Variants in ZC3HAV1 observed in about 807,000 individuals in gnomAD.
ZC3HAV1 encodes zinc finger CCCH-type antiviral protein 1.
Under a neutral mutation model 86.6 loss-of-function variants are expected in ZC3HAV1, and 41 were observed. That is an observed-to-expected ratio of 0.47 (90% CI 0.37 to 0.61). The LOEUF is 0.61. Among genes scored for constraint, ZC3HAV1 ranks in the 20% least tolerant of loss-of-function variants. The pLI is 0.00. For missense variants in ZC3HAV1, 964 were observed against 1,141.1 expected, an observed-to-expected ratio of 0.84 and a Z score of 2.24; for synonymous variants, 421 against 432.1, an observed-to-expected ratio of 0.97 and a Z score of 0.32.
Position 139,061,053 on chromosome 7 carries a change from C to T in ZC3HAV1, c.2079G>A (p.Gln693=). The change falls in exon 9 of 13, where the codon CAG becomes CAA. Residue 693 remains glutamine, a synonymous_variant. Coordinates refer to ENST00000242351, the MANE Select transcript of ZC3HAV1 (RefSeq NM_020119.4). The part of the protein sequence containing the change: ...PTFVPQWYVQ[Q]MKRGPDHQPA... Reference sequence around the variant, plus strand: ...ACACTTACTCTGGCCCTCTCTTCATCTGCTGCACATACCACTGAGGCACAA... The same window carrying T: ...ACACTTACTCTGGCCCTCTCTTCATTTGCTGCACATACCACTGAGGCACAA... The T allele has an allele frequency of 6.2e-7, 1 of 1,613,820 alleles. No homozygotes were observed. The highest frequency in any genetic ancestry group is 8.5e-7 in the Non-Finnish European group (1 of 1,179,994).
At chr7:139,079,079 G>T (rs757578506) in intron 4 of ZC3HAV1, 1 of 1,535,090 alleles carries the variant, frequency 6.5e-7, no homozygotes, top group South Asian at 1.2e-5. Context: ...AGACACAGAG[G>T]CCCCTTTGTC....
chr7:139,066,355 A>G (rs1447585335), intron 7 of ZC3HAV1, among the ~76,000 whole-genome samples: 5 of 152,168 alleles, frequency 3.3e-5, no homozygotes, highest in African/African-American at 9.7e-5. Flanking sequence ...GTCCAAGGAA[A>G]ACGTCCTGCA....
At chr7:139,074,096 T>A (rs1816864267) in intron 6 of ZC3HAV1, 66 bp from the exon 7 acceptor site, 2 of 1,474,894 alleles carry the variant, frequency 1.4e-6, no homozygotes, top group Admixed American at 1.9e-5. Context: ...AATCTCGTCT[T>A]CCCTAATGAG....
intron 2 of ZC3HAV1, 134 bp downstream of exon 2, chr7:139,089,490 C>G (rs1817369957): frequency 1.7e-6 from 2 of 1,183,548 alleles, no homozygotes; most frequent in Non-Finnish European, 2.3e-6. Context: ...TTAGTTCACT[C>G]AATAACAGCC....
chr7:139,086,587 A>G (rs574590425), intron 2 of ZC3HAV1, among the ~76,000 whole-genome samples: 139 of 152,270 alleles, frequency 9.1e-4, no homozygotes, highest in African/African-American at 3.2e-3. Context: ...TCTTAGGTTC[A>G]TATCTGCCGA....
At chr7:139,098,836 T>G (rs1217871571) in intron 1 of ZC3HAV1, among the ~76,000 whole-genome samples, 1 of 152,124 alleles carries the variant, frequency 6.6e-6, no homozygotes, top group African/African-American at 2.4e-5. Context: ...TCCTGAAACC[T>G]TTTACCCCTT....
In ZC3HAV1 at chr7:139,046,304, G is replaced by A. The variant is rs1047110230; in HGVS notation, c.*1290C>T. 4 of 152,080 alleles carry A rather than the reference G, an allele frequency of 2.6e-5. No individual in the cohort carries two copies. Among genetic ancestry groups the A allele is most frequent in the Admixed American group, 6.5e-5 (1 of 15,274 alleles). The allele number at this position is 152,080 out of a possible 1,614,324, so 9.4% of individuals were successfully genotyped here. A position where few individuals can be genotyped will look rare whatever the true frequency, so the allele number is the denominator to read the frequency against. Reference sequence around the variant, plus strand: ...TCACCAGGAAACAAATTTCATCTCCGTAGGGGGCCCGTCCTTCAGTAGGAA... The same window carrying A: ...TCACCAGGAAACAAATTTCATCTCCATAGGGGGCCCGTCCTTCAGTAGGAA... On this transcript the variant is annotated 3_prime_UTR_variant, in exon 13 of 13. Coordinates refer to ENST00000242351, the MANE Select transcript of ZC3HAV1 (RefSeq NM_020119.4).
Position 139,083,876 on chromosome 7 carries a change from T to C in ZC3HAV1, c.601A>G (p.Ile201Val), listed in dbSNP as rs1216606368. Residue 201 changes from isoleucine (I) to valine (V), a missense_variant, in exon 3 of 13, where the codon ATC becomes GTC. Coordinates refer to ENST00000242351, the MANE Select transcript of ZC3HAV1 (RefSeq NM_020119.4). Reference protein sequence around the residue: ...HNLMDRKVLAIMREHGLNPDV... With the variant: ...HNLMDRKVLAVMREHGLNPDV... Reference sequence around the variant, plus strand: ...GGGTTCAGCCCGTGCTCCCTCATGATGGCCAGCACCTTTCTGTCCATCAGG... The same window carrying C: ...GGGTTCAGCCCGTGCTCCCTCATGACGGCCAGCACCTTTCTGTCCATCAGG... 3.7e-6 allele frequency: 6 copies of C among 1,614,194 alleles called. No individual in the cohort carries two copies. In the South Asian group the frequency reaches 6.6e-5, roughly 18 times the overall value.
chr7:139,083,911 C>A lies in ZC3HAV1; in HGVS notation c.566G>T (p.Arg189Leu). The A allele has an allele frequency of 6.2e-7, 1 of 1,613,966 alleles. No homozygotes were observed. The highest frequency in any genetic ancestry group is 8.5e-7 in the Non-Finnish European group (1 of 1,179,996). The change falls in exon 3 of 13, where the codon CGG (arginine) becomes CTG (leucine). Residue 189 changes from arginine to leucine, a missense_variant. Arg to Leu is a moderately radical substitution (Grantham distance 102, BLOSUM62 -2). Transcript: ENST00000242351. ...RGNCRFPNCL[R>L]SHNLMDRKVL... ...CTTTCTGTCCATCAGGTTATGGGAC[C>A]GGAGGCAGTTGGGAAAACGACAGTT...
At chr7:139,100,646 A>G (rs915670501) in intron 1 of ZC3HAV1, among the ~76,000 whole-genome samples, 3 of 152,226 alleles carry the variant, frequency 2.0e-5, no homozygotes, top group Non-Finnish European at 4.4e-5. Context: ...CTTGGCCACT[A>G]TGTGAGGCAA....
At chr7:139,098,782 A>G (rs1198505938) in intron 1 of ZC3HAV1, among the ~76,000 whole-genome samples, 1 of 152,148 alleles carries the variant, frequency 6.6e-6, no homozygotes, top group African/African-American at 2.4e-5. Flanking sequence ...CCCTGCTGCA[A>G]TTTGGTTGAA....
chr7:139,050,187 A>C (rs1816082688), intron 12 of ZC3HAV1, among the ~76,000 whole-genome samples: 1 of 152,046 alleles, frequency 6.6e-6, no homozygotes, highest in Non-Finnish European at 1.5e-5. Context: ...CACTTTGTTA[A>C]TTGTTTCCTT....
At chr7:139,105,505 C>A (rs1332875538) in intron 1 of ZC3HAV1, among the ~76,000 whole-genome samples, 1 of 152,138 alleles carries the variant, frequency 6.6e-6, no homozygotes, top group Non-Finnish European at 1.5e-5. Context: ...TTCAGCAAAG[C>A]AAATAGAAAT....
In ZC3HAV1 at chr7:139,061,155, A is replaced by T; in HGVS notation, c.1994-17T>A. On this transcript the variant is annotated splice_polypyrimidine_tract_variant and intron_variant, in intron 8 of 12. Transcript: ENST00000242351. ...GAATCATCCCTTTGGACAGAAAAAA[A>T]AATAAAAGCAGTGAGAATCAAGATC... The T allele has an allele frequency of 6.2e-7, 1 of 1,604,656 alleles. No homozygotes were observed. Among genetic ancestry groups the T allele is most frequent in the Non-Finnish European group, 8.5e-7 (1 of 1,175,104 alleles).
intron 7 of ZC3HAV1, among the ~76,000 whole-genome samples, chr7:139,071,663 G>A (rs1023727343): frequency 1.3e-5 from 2 of 152,122 alleles, no homozygotes; most frequent in African/African-American, 2.4e-5. Flanking sequence ...TCACACACAC[G>A]GGAGTTTCAG....
intron 9 of ZC3HAV1, among the ~76,000 whole-genome samples, chr7:139,058,614 C>T (rs1007052067): frequency 1.3e-5 from 2 of 151,968 alleles, no homozygotes; most frequent in East Asian, 1.9e-4. Flanking sequence ...AAGGGAATCT[C>T]GAGTGTTGGA....
intron 2 of ZC3HAV1, among the ~76,000 whole-genome samples, chr7:139,087,028 G>A (rs913369437): frequency 6.6e-6 from 1 of 152,202 alleles, no homozygotes; most frequent in African/African-American, 2.4e-5. Flanking sequence ...ACGTAGATGT[G>A]TGGCCCGATG....
At chr7:139,051,405 A>AT (rs58931897) in intron 12 of ZC3HAV1, among the ~76,000 whole-genome samples, 10,424 of 133,060 alleles carry the variant, frequency 0.078, 864 homozygotes, top group African/African-American at 0.21. Flanking sequence ...CAATCATTTA[A>AT]TTTTTTTTTT....
At chr7:139,068,580 T>C (rs1229742729) in intron 7 of ZC3HAV1, among the ~76,000 whole-genome samples, 2 of 152,186 alleles carry the variant, frequency 1.3e-5, no homozygotes, top group African/African-American at 4.8e-5. Context: ...TCTTAATTTT[T>C]TATGTGTTTA....
Sources: gnomAD v4.1 joint callset for allele counts (sites outside exome capture counted in the v4.1 genomes callset) on GRCh38, gnomAD v4.1.1 for gene constraint, MANE v1.5 for transcripts, NCBI Gene and HGNC (gene_info 2026-07-23, HGNC 2026-07-21) for gene names.